Variants in TXK observed in about 807,000 individuals in gnomAD.
TXK encodes the protein tyrosine-protein kinase TXK.
TXK carries 60 observed loss-of-function variants against 81.0 expected under a neutral mutation model. The observed-to-expected ratio is 0.74, with a 90% CI of 0.60 to 0.92. The LOEUF is 0.92. Ranked by LOEUF, TXK falls within the 40% of genes least tolerant of loss-of-function variation. TXK has a pLI of 0.00. For missense variants in TXK, 581 were observed against 638.3 expected, an observed-to-expected ratio of 0.91 and a Z score of 0.97; for synonymous variants, 203 against 210.7, an observed-to-expected ratio of 0.96 and a Z score of 0.32.
At chr4:48,075,053 TG>T (rs1354275839) in intron 12 of TXK, among the ~76,000 whole-genome samples, 1 of 151,628 alleles carries the variant, frequency 6.6e-6, no homozygotes, top group African/African-American at 2.4e-5. Context: ...CCCTGAGCTT[TG>T]GGGGGATCTT....
chr4:48,115,644 C>T (rs1452078899), intron 1 of TXK, among the ~76,000 whole-genome samples: 2 of 152,046 alleles, frequency 1.3e-5, no homozygotes, highest in Non-Finnish European at 2.9e-5. Flanking sequence ...CCCAGGAGTT[C>T]GAGATCAGCC....
Position 48,089,385 on chromosome 4 carries a change from C to CTT in TXK, c.784+363_784+364dup, listed in dbSNP as rs71200926. ...CAAAGAATCAATAGGGAACTAGATT[C>CTT]TTTTTTTTTTTTCCTTTTTTTTTGA... On this transcript the variant is annotated intron_variant, in intron 9 of 14. Coordinates refer to ENST00000264316, the MANE Select transcript of TXK (RefSeq NM_003328.3). The CTT allele has an allele frequency of 4.0e-3, 605 of 151,590 alleles. 2 individuals are homozygous for CTT. The highest frequency in any genetic ancestry group is 0.01 in the Middle Eastern group (3 of 292). 9.4% of individuals were successfully genotyped at this position (151,590 alleles called of 1,614,324 possible). A position where few individuals can be genotyped will look rare whatever the true frequency, so the allele number is the denominator to read the frequency against.
At chr4:48,099,972 C>T (rs1313010105) in intron 6 of TXK, among the ~76,000 whole-genome samples, 1 of 151,668 alleles carries the variant, frequency 6.6e-6, no homozygotes, top group African/African-American at 2.4e-5. Context: ...ATCACGAGGT[C>T]AGGAGATCGA....
intron 8 of TXK, among the ~76,000 whole-genome samples, chr4:48,090,125 A>G (rs907500030): frequency 7.2e-5 from 11 of 152,238 alleles, no homozygotes; most frequent in African/African-American, 2.7e-4. Flanking sequence ...CACTATGTGC[A>G]TAATTGAAAA....
At chr4:48,126,763 A>G (rs1026615413) in intron 1 of TXK, among the ~76,000 whole-genome samples, 3 of 152,166 alleles carry the variant, frequency 2.0e-5, no homozygotes, top group Non-Finnish European at 4.4e-5. Context: ...TTGGCCTCCC[A>G]AACTGCTGGG....
intron 5 of TXK, among the ~76,000 whole-genome samples, chr4:48,108,316 C>T (rs1051301754): frequency 6.6e-6 from 1 of 152,144 alleles, no homozygotes; most frequent in Non-Finnish European, 1.5e-5. Flanking sequence ...AATGTTTTTC[C>T]TGTTAGTTTC....
chr4:48,099,911 G>A (rs1718122064), intron 6 of TXK, among the ~76,000 whole-genome samples: 1 of 152,128 alleles, frequency 6.6e-6, no homozygotes, highest in Non-Finnish European at 1.5e-5. Flanking sequence ...TAGGCCGGGC[G>A]CGGTGGCTCA....
intron 2 of TXK, among the ~76,000 whole-genome samples, chr4:48,113,525 T>C (rs1328176209): frequency 6.6e-6 from 1 of 152,156 alleles, no homozygotes; most frequent in Admixed American, 6.5e-5. Flanking sequence ...GAGCATAGAG[T>C]TGTTATAAAA....
chr4:48,091,375 A>T (rs1717764555), intron 8 of TXK, among the ~76,000 whole-genome samples: 1 of 152,200 alleles, frequency 6.6e-6, no homozygotes, highest in African/African-American at 2.4e-5. Flanking sequence ...TGCACTGCAG[A>T]GGTAAGCAGT....
chr4:48,078,007 G>A (rs1354469974), intron 11 of TXK, among the ~76,000 whole-genome samples: 1 of 152,160 alleles, frequency 6.6e-6, no homozygotes, highest in Non-Finnish European at 1.5e-5. Flanking sequence ...AAATATTGAT[G>A]CCTGGGTTTC....
At chr4:48,096,579 G>A (rs962729173) in intron 6 of TXK, among the ~76,000 whole-genome samples, 1 of 152,142 alleles carries the variant, frequency 6.6e-6, no homozygotes, top group African/African-American at 2.4e-5. Context: ...AGAGTGCAAT[G>A]GCATGATCTC....
intron 9 of TXK, among the ~76,000 whole-genome samples, chr4:48,088,748 T>C (rs1427985038): frequency 6.6e-6 from 1 of 152,226 alleles, no homozygotes. Flanking sequence ...CTTTGTATTA[T>C]ATATACTATC....
intron 6 of TXK, among the ~76,000 whole-genome samples, chr4:48,096,684 A>G (rs181615200): frequency 7.0e-4 from 106 of 152,148 alleles, no homozygotes; most frequent in Middle Eastern, 3.4e-3. Context: ...ACATGCCACC[A>G]TGCCTGGCTA....
chr4:48,082,611 C>T (rs1717351565), intron 10 of TXK, among the ~76,000 whole-genome samples: 1 of 152,118 alleles, frequency 6.6e-6, no homozygotes, highest in South Asian at 2.1e-4. Context: ...ACAGTTTCCC[C>T]AGGAAAGTCC....
intron 6 of TXK, among the ~76,000 whole-genome samples, chr4:48,102,444 C>A (rs1005309782): frequency 6.6e-6 from 1 of 152,158 alleles, no homozygotes; most frequent in Non-Finnish European, 1.5e-5. Context: ...AGAAGGTATA[C>A]AATTTCTCAC....
At chr4:48,105,437 G>A (rs1718421461) in intron 5 of TXK, among the ~76,000 whole-genome samples, 1 of 152,134 alleles carries the variant, frequency 6.6e-6, no homozygotes, top group African/African-American at 2.4e-5. Flanking sequence ...ATAGTCAGTA[G>A]TTAGTAGATG....
intron 1 of TXK, among the ~76,000 whole-genome samples, chr4:48,129,614 A>C (rs559161400): frequency 2.1e-4 from 32 of 152,262 alleles, no homozygotes; most frequent in African/African-American, 6.7e-4. Context: ...AAAGGCAGAA[A>C]TCTTCCTGAT....
At chr4:48,089,154 C>A (rs980332393) in intron 9 of TXK, among the ~76,000 whole-genome samples, 4 of 152,078 alleles carry the variant, frequency 2.6e-5, no homozygotes, top group South Asian at 4.1e-4. Context: ...ACCCAAACAT[C>A]CAAATAAAAA....
chr4:48,091,364 T>G (rs1446597639), intron 8 of TXK, among the ~76,000 whole-genome samples: 3 of 152,100 alleles, frequency 2.0e-5, no homozygotes, highest in Admixed American at 6.6e-5. Flanking sequence ...GCCAGACAAA[T>G]TGCACTGCAG....
Sources: gnomAD v4.1 joint callset for allele counts (sites outside exome capture counted in the v4.1 genomes callset) on GRCh38, gnomAD v4.1.1 for gene constraint, MANE v1.5 for transcripts, NCBI Gene and HGNC (gene_info 2026-07-23, HGNC 2026-07-21) for gene names.